ARHGEF37: variants seen among roughly 807,000 people sequenced by gnomAD.
ARHGEF37 encodes the protein Rho guanine nucleotide exchange factor (GEF) 37.
Under a neutral mutation model 71.1 loss-of-function variants are expected in ARHGEF37, and 55 were observed. That is an observed-to-expected ratio of 0.77 (90% CI 0.62 to 0.97). The LOEUF (loss-of-function observed/expected upper bound fraction) is 0.97. Among genes scored for constraint, ARHGEF37 ranks in the 50% least tolerant of loss-of-function variants. The pLI is 0.00. For synonymous variants in ARHGEF37, 327 were observed against 350.6 expected (o/e 0.93, Z 0.75); for missense variants, 765 against 836.8 (o/e 0.91, Z 1.06).
intron 4 of ARHGEF37, among the ~76,000 whole-genome samples, chr5:149,616,142 GA>G (rs1352038947): frequency 6.6e-6 from 1 of 152,154 alleles, no homozygotes; most frequent in Non-Finnish European, 1.5e-5. Context: ...AGTGGAGAGA[GA>G]GGGAGGAGAG....
intron 12 of ARHGEF37, among the ~76,000 whole-genome samples, chr5:149,629,831 T>A (rs1387879723): frequency 6.6e-6 from 1 of 152,126 alleles, no homozygotes; most frequent in Non-Finnish European, 1.5e-5. Context: ...CAACGCGAGC[T>A]CTTTGTACAA....
At chr5:149,630,677 T>C (rs1057167720) in intron 12 of ARHGEF37, among the ~76,000 whole-genome samples, 1 of 152,142 alleles carries the variant, frequency 6.6e-6, no homozygotes, top group Non-Finnish European at 1.5e-5. Flanking sequence ...GGAATGAGGT[T>C]ACCCCCGCCG....
rs371335891 is a variant in ARHGEF37, at chr5:149,601,089, G to T, written c.187-19G>T. On this transcript the variant is annotated intron_variant, in intron 2 of 12. Coordinates refer to ENST00000333677, the MANE Select transcript of ARHGEF37 (RefSeq NM_001001669.3). ...ATGGAACTCCCAACCACCTCTCATG[G>T]CTTCTTTGTTCCTTCCAGTTGCCGC... 11 of 1,604,184 alleles carry T rather than the reference G, an allele frequency of 6.9e-6. No individual in the cohort carries two copies. In the African/African-American group the frequency reaches 1.5e-4, roughly 21 times the overall value.
chr5:149,628,864 T>C lies in ARHGEF37; in HGVS notation c.1716T>C (p.Ser572=). ...GKLQLYHVVP[S]AEELRRQAGL... is the part of the protein sequence containing the mutation. ...TACAGCTGTACCATGTGGTCCCCAG[T>C]GCAGAGGAGCTCAGAAGGCAGGCGG... Residue 572 remains serine (S), a synonymous_variant, in exon 12 of 13, where the codon AGT becomes AGC. Coordinates refer to ENST00000333677, the MANE Select transcript of ARHGEF37 (RefSeq NM_001001669.3). 1 of 1,613,804 alleles carries C rather than the reference T, an allele frequency of 6.2e-7. No homozygotes were observed. The highest frequency in any genetic ancestry group is 1.1e-5 in the South Asian group (1 of 91,032).
rs376361501 is a variant in ARHGEF37 at position 149,620,399 on chromosome 5, G to C, written c.940G>C (p.Glu314Gln). The C allele has an allele frequency of 6.8e-6, 11 of 1,612,444 alleles. No individual in the cohort carries two copies. Among genetic ancestry groups the C allele is most frequent in the Admixed American group, 3.3e-5 (2 of 59,810 alleles). ...RPHEYNLDIP[E>Q]GPAVQYCNLA... Reference sequence around the variant, plus strand: ...GCACGAATACAATCTGGACATCCCCGAGGGGCCTGCAGTGCAGTATTGCAA... The same window carrying C: ...GCACGAATACAATCTGGACATCCCCCAGGGGCCTGCAGTGCAGTATTGCAA... Residue 314 changes from glutamate (E) to glutamine (Q), a missense_variant, in exon 8 of 13, where the codon GAG (glutamate) becomes CAG (glutamine). Glu to Gln is a conservative substitution (Grantham distance 29, BLOSUM62 2). Coordinates refer to ENST00000333677, the MANE Select transcript of ARHGEF37 (RefSeq NM_001001669.3).
chr5:149,601,077 C>A (rs1445185934), intron 2 of ARHGEF37, 31 bp from the exon 3 acceptor site: 1 of 1,598,600 alleles, frequency 6.3e-7, no homozygotes. Flanking sequence ...GAACTCCCAA[C>A]CACCTCTCAT....
At chr5:149,603,151 TCG>T (rs1306589074) in intron 3 of ARHGEF37, among the ~76,000 whole-genome samples, 5 of 152,144 alleles carry the variant, frequency 3.3e-5, no homozygotes, top group African/African-American at 1.2e-4. Flanking sequence ...CAGGCTGGTC[TCG>T]AGCTCCTGAC....
rs191133408 is a variant in ARHGEF37, at chr5:149,588,163, C to T, written c.-12+6539C>T. On this transcript the variant is annotated intron_variant, in intron 1 of 12. Coordinates refer to ENST00000333677, the MANE Select transcript of ARHGEF37 (RefSeq NM_001001669.3). The stretch of plus-strand genomic sequence containing the variant: ...CTGCCCGCCTTGGCCTCCCAAAGTG[C>T]TGGGATTACAGGCGTGAGCCACGGT... 2.4e-4 allele frequency among the ~76,000 whole-genome samples: 37 copies of T among 152,084 alleles called. No homozygotes were observed. The East Asian group carries it at 3.1e-3, about 13-fold the overall frequency.
At position 149,621,897 on chromosome 5, in the gene ARHGEF37, C is replaced by T. The variant is rs772671320; in HGVS notation, c.1170C>T (p.Ala390=). The T allele has an allele frequency of 1.2e-5, 20 of 1,614,096 alleles. 2 individuals are homozygous for T. The highest frequency in any genetic ancestry group is 6.7e-5 in the Admixed American group (4 of 59,992). The part of the protein sequence containing the change: ...EVGSVTYQEE[A]ARHTYQALNS... ...GCAGTGTGACCTACCAGGAGGAGGC[C>T]GCCCGGCACACATACCAGGCACTCA... Residue 390 remains alanine (A), a synonymous_variant, in exon 9 of 13, where the codon GCC becomes GCT. Transcript: ENST00000333677.
chr5:149,630,855 G>T (rs1409483658), intron 12 of ARHGEF37, among the ~76,000 whole-genome samples: 1 of 152,178 alleles, frequency 6.6e-6, no homozygotes, highest in Non-Finnish European at 1.5e-5. Flanking sequence ...TGTTCCTGAG[G>T]CTTGACCATC....
At position 149,627,255 on chromosome 5, in the gene ARHGEF37, GCT is replaced by G; in HGVS notation, c.1645_1646del (p.Leu549GlyfsTer71). On this transcript the variant is annotated frameshift_variant, in exon 11 of 13. Transcript: ENST00000333677. LOFTEE classifies it high-confidence loss of function. ...KDTKGNSGRW[L>X]VDTGGHRGYV... ...ACACCAAAGGCAACAGCGGCCGCTG[GCT>G]GGTGGACACCGGGGGTACGTGAGCC... 6.2e-7 allele frequency: 1 copy of G among 1,613,690 alleles called. No homozygotes were observed. Among genetic ancestry groups the G allele is most frequent in the African/African-American group, 1.3e-5 (1 of 75,046 alleles).
chr5:149,586,451 T>C (rs1763240663), intron 1 of ARHGEF37, among the ~76,000 whole-genome samples: 1 of 152,108 alleles, frequency 6.6e-6, no homozygotes, highest in Non-Finnish European at 1.5e-5. Context: ...TCAGTAGAGA[T>C]GGGTTTTCAC....
intron 7 of ARHGEF37, 115 bp from the exon 8 acceptor site, chr5:149,620,239 A>C: frequency 1.5e-6 from 1 of 667,128 alleles, no homozygotes; most frequent in East Asian, 2.7e-5. Flanking sequence ...TGTCCCTCTC[A>C]TTGGGGGTGT....
At chr5:149,558,939 A>G (rs934422672) in intron 1 of ARHGEF37, among the ~76,000 whole-genome samples, 1 of 152,142 alleles carries the variant, frequency 6.6e-6, no homozygotes, top group Non-Finnish European at 1.5e-5. Context: ...GTATATCTGC[A>G]TATCACACTA....
chr5:149,560,423 C>A (rs1036136215), intron 1 of ARHGEF37, among the ~76,000 whole-genome samples: 8 of 152,048 alleles, frequency 5.3e-5, no homozygotes, highest in African/African-American at 1.9e-4. Context: ...CTATATTATT[C>A]TTAAAAATTA....
At chr5:149,594,059 T>C (rs1232580038) in intron 1 of ARHGEF37, among the ~76,000 whole-genome samples, 1 of 152,234 alleles carries the variant, frequency 6.6e-6, no homozygotes, top group African/African-American at 2.4e-5. Flanking sequence ...CTGTATACAA[T>C]GTGTAATGAT....
At chr5:149,630,674 G>A (rs1458108930) in intron 12 of ARHGEF37, among the ~76,000 whole-genome samples, 2 of 152,204 alleles carry the variant, frequency 1.3e-5, no homozygotes, top group Non-Finnish European at 2.9e-5. Flanking sequence ...ACAGGAATGA[G>A]GTTACCCCCG....
chr5:149,565,762 C>G (rs1398605850), intron 1 of ARHGEF37, among the ~76,000 whole-genome samples: 2 of 146,388 alleles, frequency 1.4e-5, no homozygotes, highest in East Asian at 4.3e-4. Context: ...CTTTCATGGT[C>G]ATCATGACTT....
At chr5:149,619,140 C>A in intron 7 of ARHGEF37, 98 bp downstream of exon 7, 1 of 939,526 alleles carries the variant, frequency 1.1e-6, no homozygotes, top group Middle Eastern at 2.7e-4. Context: ...AAGGCACCAG[C>A]CTCAGAAACC....
Sources: gnomAD v4.1 joint callset for allele counts (sites outside exome capture counted in the v4.1 genomes callset) on GRCh38, gnomAD v4.1.1 for gene constraint, MANE v1.5 for transcripts, NCBI Gene and HGNC (gene_info 2026-07-23, HGNC 2026-07-21) for gene names.